Variants in LRRC71 observed in about 807,000 individuals in gnomAD.
LRRC71 encodes the protein leucine-rich repeat-containing protein 71.
In LRRC71, 54 loss-of-function variants were observed where a neutral mutation model predicts 66.6. The ratio of observed to expected loss-of-function variants is 0.81; its 90% CI spans 0.65 to 1.02. The LOEUF is 1.02. Among genes scored for constraint, LRRC71 ranks in the 50% least tolerant of loss-of-function variants. The pLI is 0.00. For synonymous variants in LRRC71, 323 were observed against 303.9 expected (o/e 1.06, Z -0.65); for missense variants, 724 against 718.0 (o/e 1.01, Z -0.10).
At chr1:156,932,097 T>C in intron 13 of LRRC71, 70 bp downstream of exon 13, 2 of 1,224,130 alleles carry the variant, frequency 1.6e-6, no homozygotes, top group South Asian at 2.6e-5. Context: ...TGAGGGTGTT[T>C]ACCCCGACTC....
At chr1:156,931,466 G>A (rs758850289) in intron 12 of LRRC71, among the ~76,000 whole-genome samples, 9 of 152,138 alleles carry the variant, frequency 5.9e-5, no homozygotes, top group Non-Finnish European at 1.0e-4. Flanking sequence ...TCATCATGCC[G>A]TCATTGTTAC....
intron 14 of LRRC71, 92 bp from the exon 15 acceptor site, chr1:156,932,761 A>C (rs575543191): frequency 6.8e-7 from 1 of 1,463,328 alleles, no homozygotes; most frequent in African/African-American, 1.4e-5. Context: ...CCCAGCCCCT[A>C]ACCCACCCTG....
At chr1:156,938,676 G>A in the LRRC71 span, 1 of 572,340 alleles carries the variant, frequency 1.7e-6, no homozygotes, top group Non-Finnish European at 3.0e-6. Flanking sequence ...ATCCCAGGCA[G>A]TGCAGAGAAC....
In LRRC71 at chr1:156,924,611, GTCTGAGGCACCTGCCTCC is replaced by G; in HGVS notation, c.440-28_440-11del. On this transcript the variant is annotated splice_polypyrimidine_tract_variant and intron_variant, in intron 3 of 14. Coordinates refer to ENST00000337428, the MANE Select transcript of LRRC71 (RefSeq NM_144702.3). ...CTCCCGCTCCCCTGGAGCCTCCCAG[GTCTGAGGCACCTGCCTCC>G]TCTTGGCCCGCAGGTTGGAAGGTTG... is the stretch of plus-strand genomic sequence containing the variant. 1 of 1,551,310 alleles carries G rather than the reference GTCTGAGGCACCTGCCTCC, an allele frequency of 6.4e-7. No homozygotes were observed. The highest frequency in any genetic ancestry group is 8.7e-7 in the Non-Finnish European group (1 of 1,146,736).
At chr1:156,939,733 T>G in the LRRC71 span, 5 of 1,614,076 alleles carry the variant, frequency 3.1e-6, no homozygotes, top group Non-Finnish European at 4.2e-6. Flanking sequence ...AAGCTGGGTG[T>G]TGTCCCCTTC....
chr1:156,930,623 T>C lies in LRRC71; in HGVS notation c.1329+6T>C. ...GCATCCTCCTGGAGTCCGAGGTAAG[T>C]TGCCAGGAGGAGTGGAGGCAGGGGG... On this transcript the variant is annotated splice_donor_region_variant and intron_variant, in intron 12 of 14. Transcript: ENST00000337428. 6.4e-7 allele frequency: 1 copy of C among 1,557,096 alleles called. No individual in the cohort carries two copies. Among genetic ancestry groups the C allele is most frequent in the Non-Finnish European group, 8.7e-7 (1 of 1,150,152 alleles).
intron 11 of LRRC71, among the ~76,000 whole-genome samples, 161 bp downstream of exon 11, chr1:156,929,890 G>A (rs12122442): frequency 0.18 from 26,816 of 152,032 alleles, 2,403 homozygotes; most frequent in East Asian, 0.31. Context: ...ATGATGTGGA[G>A]AGCCGCATCC....
intron 4 of LRRC71, 54 bp from the exon 5 acceptor site, chr1:156,924,884 C>T: frequency 6.5e-7 from 1 of 1,543,324 alleles, no homozygotes; most frequent in Non-Finnish European, 8.8e-7. Flanking sequence ...GGAGGGTTTT[C>T]CAGTAGGAGG....
chr1:156,935,374 C>T (rs1654868560), downstream of LRRC71: 1 of 152,180 alleles, frequency 6.6e-6, no homozygotes, highest in South Asian at 2.1e-4. Flanking sequence ...CTGGCTCCCG[C>T]TTTAGGCTCG....
intron 1 of LRRC71, among the ~76,000 whole-genome samples, chr1:156,923,145 A>G (rs1197509341): frequency 6.6e-6 from 1 of 152,186 alleles, no homozygotes; most frequent in African/African-American, 2.4e-5. Context: ...GCTGAGCTGC[A>G]GGTGTCCCTC....
chr1:156,933,059 A>T lies in LRRC71; in HGVS notation c.*90A>T. ...GTGACCTCCCTGGGGGAGATCTCAG[A>T]CCAATAACAAAGTCTGTTGCTATAC... On this transcript the variant is annotated 3_prime_UTR_variant, in exon 15 of 15. Transcript: ENST00000337428. 1 of 861,736 alleles carries T rather than the reference A, an allele frequency of 1.2e-6. No homozygotes were observed. Among genetic ancestry groups the T allele is most frequent in the South Asian group, 1.7e-5 (1 of 60,566 alleles). The allele number at this position is 861,736 out of a possible 1,614,324, so 53.4% of individuals were successfully genotyped here.
downstream of LRRC71, among the ~76,000 whole-genome samples, chr1:156,933,717 C>G (rs1361888496): frequency 1.3e-5 from 2 of 152,232 alleles, no homozygotes; most frequent in East Asian, 3.8e-4. Context: ...ATTGAGGTCA[C>G]CTGCCAGTGC....
At chr1:156,931,822 C>A in intron 12 of LRRC71, 94 bp from the exon 13 acceptor site, 1 of 973,192 alleles carries the variant, frequency 1.0e-6, no homozygotes, top group Non-Finnish European at 1.6e-6. Context: ...CTATAGCCGG[C>A]AGTCAAAACA....
chr1:156,936,969 G>C, downstream of LRRC71: 1 of 1,614,150 alleles, frequency 6.2e-7, no homozygotes, highest in Non-Finnish European at 8.5e-7. Context: ...TCTCCCCCAA[G>C]GGACTTGAGC....
At chr1:156,921,712 AACACACACACAC>A (rs34547094) in intron 1 of LRRC71, 3,371 of 278,530 alleles carry the variant, frequency 0.012, 92 homozygotes, top group African/African-American at 0.073. Context: ...TTACATTCAA[AACACACACACAC>A]ACACACACAC....
chr1:156,923,911 C>A, intron 1 of LRRC71, 38 bp from the exon 2 acceptor site: 1 of 1,433,664 alleles, frequency 7.0e-7, no homozygotes, highest in Non-Finnish European at 9.2e-7. Context: ...CGGGGGTGGG[C>A]GTGGCCCCTT....
chr1:156,924,569 C>G lies in LRRC71; in HGVS notation c.439+17C>G, dbSNP rs895309552. Reference sequence around the variant, plus strand: ...ACATCCGCGGTGAGCCCCGCTCCCCCCACCCGCCCCAGCTCCCTCCCGCTC... The same window carrying G: ...ACATCCGCGGTGAGCCCCGCTCCCCGCACCCGCCCCAGCTCCCTCCCGCTC... On this transcript the variant is annotated intron_variant, in intron 3 of 14. Transcript: ENST00000337428. 1.0e-5 allele frequency: 16 copies of G among 1,551,390 alleles called. No homozygotes were observed. Among genetic ancestry groups the G allele is most frequent in the Middle Eastern group, 1.7e-4 (1 of 5,990 alleles).
chr1:156,932,461 C>T lies in LRRC71; in HGVS notation c.1479C>T (p.Leu493=), dbSNP rs772709151. 46 of 1,613,794 alleles carry T rather than the reference C, an allele frequency of 2.9e-5. No individual in the cohort carries two copies. Among genetic ancestry groups the T allele is most frequent in the African/African-American group, 4.0e-5 (3 of 75,002 alleles). ...RITEVGLEGF[L]ATVQYQMQFS... The stretch of plus-strand genomic sequence containing the variant: ...CAGAGGTGGGGCTGGAGGGCTTCCT[C>T]GCCACGGTGCAGTATCAGATGCAGT... The change falls in exon 14 of 15, where the codon CTC becomes CTT. Residue 493 remains leucine, a synonymous_variant. Coordinates refer to ENST00000337428, the MANE Select transcript of LRRC71 (RefSeq NM_144702.3).
chr1:156,937,100 G>T, downstream of LRRC71: 1 of 1,567,610 alleles, frequency 6.4e-7, no homozygotes, highest in South Asian at 1.2e-5. Context: ...AGGAGGGTGT[G>T]ATTTAAGGGT....
Sources: allele counts gnomAD v4.1 joint callset (sites outside exome capture counted in the v4.1 genomes callset), GRCh38; gene constraint gnomAD v4.1.1; transcripts MANE v1.5; gene names NCBI Gene and HGNC (gene_info 2026-07-23, HGNC 2026-07-21).